The following SEMA5A variants were observed in gnomAD, a reference collection of about 807,000 sequenced individuals.
The protein encoded by SEMA5A is semaphorin 5A, also known as semaphorin-5A.
A neutral mutation model predicts 135.5 loss-of-function variants in SEMA5A; 55 were observed. That is an observed-to-expected ratio of 0.41 (90% CI 0.33 to 0.51). The LOEUF (loss-of-function observed/expected upper bound fraction) is 0.51, where lower values mean the gene tolerates loss of function less well. SEMA5A is among the 20% of genes least tolerant of loss of function. SEMA5A has a pLI of 0.37. For synonymous variants in SEMA5A, 580 were observed against 546.5 expected (o/e 1.06, Z -0.85); for missense variants, 1,290 against 1,419.9 (o/e 0.91, Z 1.47).
In SEMA5A at chr5:9,224,722, T is replaced by C. The variant is rs764927863; in HGVS notation, c.598A>G (p.Ile200Val). Residue 200 changes from isoleucine to valine, a missense_variant, in exon 8 of 23, where the codon ATT becomes GTT. Physicochemically the swap from Ile to Val is conservative, Grantham distance 29. Transcript: ENST00000382496. ...RDPAIYRSLG[I>V]LPPLRTAQYN... ...TGCGCCGTGCGGAGAGGAGGTAAAATGCCTAGGCTTCGGTAAATGGCAGGA... is the reference window on the plus strand; with the variant it reads ...TGCGCCGTGCGGAGAGGAGGTAAAACGCCTAGGCTTCGGTAAATGGCAGGA... 21 of 1,613,960 alleles carry C rather than the reference T, an allele frequency of 1.3e-5. No homozygotes were observed. The East Asian group carries it at 2.2e-4, about 17-fold the overall frequency.
chr5:9,207,904 GATA>G (rs2150380902), intron 8 of SEMA5A, among the ~76,000 whole-genome samples: 1 of 38,782 alleles, frequency 2.6e-5, no homozygotes, highest in South Asian at 1.4e-3. Context: ...TAGATACATA[GATA>G]GATAGATAAT....
chr5:9,157,375 A>G (rs1460437653), intron 11 of SEMA5A, among the ~76,000 whole-genome samples: 3 of 152,154 alleles, frequency 2.0e-5, no homozygotes, highest in Non-Finnish European at 2.9e-5. Context: ...ACCGTTAGGG[A>G]CTGGAGACAC....
chr5:9,202,310 G>A, intron 8 of SEMA5A, 70 bp from the exon 9 acceptor site: 1 of 1,506,596 alleles, frequency 6.6e-7, no homozygotes, highest in Non-Finnish European at 9.0e-7. Flanking sequence ...TGCCTGCTCA[G>A]TATTTCATCC....
In SEMA5A at chr5:9,076,868, T is replaced by TTGTGTGTGTGTGTG. The variant is rs70943938; in HGVS notation, c.2074-10236_2074-10223dup. Among the ~76,000 whole-genome samples, 1,249 of 144,066 alleles carry TTGTGTGTGTGTGTG rather than the reference T, an allele frequency of 8.7e-3. 10 individuals are homozygous for TTGTGTGTGTGTGTG. The highest frequency in any genetic ancestry group is 0.015 in the African/African-American group (607 of 39,324). 94.5% of individuals were successfully genotyped at this position (144,066 alleles called of 152,430 possible). The stretch of plus-strand genomic sequence containing the variant: ...GTGCATTGACTATGCATTACGATCT[T>TTGTGTGTGTGTGTG]TGTGTGTGTGTGTGTGTGTGTGTGT... On this transcript the variant is annotated intron_variant, in intron 16 of 22. Transcript: ENST00000382496.
intron 1 of SEMA5A, among the ~76,000 whole-genome samples, chr5:9,523,361 C>G (rs183978006): frequency 1.4e-4 from 21 of 152,264 alleles, no homozygotes; most frequent in Admixed American, 8.5e-4. Flanking sequence ...GATTATCTTA[C>G]TTAGGTTCAT....
chr5:9,113,092 A>G (rs768756401), intron 15 of SEMA5A, among the ~76,000 whole-genome samples: 52 of 152,208 alleles, frequency 3.4e-4, no homozygotes, highest in Non-Finnish European at 6.0e-4. Flanking sequence ...TAGGGCCTCT[A>G]TGTTGATTTC....
chr5:9,115,788 T>A (rs1189712747), intron 15 of SEMA5A, among the ~76,000 whole-genome samples: 3 of 152,204 alleles, frequency 2.0e-5, no homozygotes, highest in African/African-American at 7.2e-5. Flanking sequence ...CTCTGCCTCC[T>A]GATATTCATA....
At chr5:9,079,080 G>A (rs1010831004) in intron 16 of SEMA5A, among the ~76,000 whole-genome samples, 3 of 152,054 alleles carry the variant, frequency 2.0e-5, no homozygotes, top group Admixed American at 6.5e-5. Context: ...CTTTTTACCT[G>A]AAAATTAATG....
rs116511058 is a variant in SEMA5A at position 9,100,108 on chromosome 5, T to G, written c.2073+8032A>C. 7.4e-3 allele frequency among the ~76,000 whole-genome samples: 1,120 copies of G among 152,306 alleles called. 10 individuals carry two copies. The highest frequency in any genetic ancestry group is 0.01 in the Non-Finnish European group (688 of 68,016). On this transcript the variant is annotated intron_variant, in intron 16 of 22. Transcript: ENST00000382496. ...CATCTGGCCTAATAATGGGTATCCATGGCTATGCGATGACTGGGAAGTTCT... is the reference window on the plus strand; with the variant it reads ...CATCTGGCCTAATAATGGGTATCCAGGGCTATGCGATGACTGGGAAGTTCT...
chr5:9,148,221 G>A (rs1034209469), intron 12 of SEMA5A, among the ~76,000 whole-genome samples: 3 of 152,188 alleles, frequency 2.0e-5, no homozygotes, highest in Non-Finnish European at 4.4e-5. Context: ...TTTGATAAAT[G>A]AAATACCTAA....
At chr5:9,068,671 C>T (rs1335959772) in intron 16 of SEMA5A, among the ~76,000 whole-genome samples, 5 of 152,126 alleles carry the variant, frequency 3.3e-5, no homozygotes, top group African/African-American at 4.8e-5. Flanking sequence ...AAACAGAAGT[C>T]ACCCAATGTT....
At chr5:9,342,275 C>T (rs1579377238) in intron 3 of SEMA5A, among the ~76,000 whole-genome samples, 2 of 152,236 alleles carry the variant, frequency 1.3e-5, no homozygotes, top group East Asian at 3.9e-4. Flanking sequence ...ACAGTCATTC[C>T]AAAATCTGAC....
intron 16 of SEMA5A, among the ~76,000 whole-genome samples, chr5:9,079,400 A>T (rs1310906317): frequency 6.6e-6 from 1 of 152,170 alleles, no homozygotes; most frequent in East Asian, 1.9e-4. Flanking sequence ...TCTCTGGGAC[A>T]CAGCTAAAGC....
chr5:9,469,164 A>C (rs1423065087), intron 1 of SEMA5A, among the ~76,000 whole-genome samples: 1 of 151,516 alleles, frequency 6.6e-6, no homozygotes, highest in Non-Finnish European at 1.5e-5. Context: ...GCCCGCCACC[A>C]CTCCTGGCTA....
At chr5:9,058,315 G>A (rs1737002005) in intron 18 of SEMA5A, among the ~76,000 whole-genome samples, 1 of 152,166 alleles carries the variant, frequency 6.6e-6, no homozygotes, top group African/African-American at 2.4e-5. Context: ...GGCTGGAACA[G>A]TGGCAGGCTG....
Position 9,154,095 on chromosome 5 carries a change from G to A in SEMA5A, c.1481+393C>T, listed in dbSNP as rs2428658. Among the ~76,000 whole-genome samples, 115 of 103,278 alleles carry A rather than the reference G, an allele frequency of 1.1e-3. 4 individuals are homozygous for A. In the East Asian group the frequency reaches 0.018, roughly 16 times the overall value. The allele number at this position is 103,278 out of a possible 152,430, so 67.8% of individuals were successfully genotyped here. A position where few individuals can be genotyped will look rare whatever the true frequency, so the allele number is the denominator to read the frequency against. ...TATATATATATATATATATATATAT[G>A]TGTGTGTGTGTATGTGTGTGTATGT... On this transcript the variant is annotated intron_variant, in intron 12 of 22. Coordinates refer to ENST00000382496, the MANE Select transcript of SEMA5A (RefSeq NM_003966.3).
chr5:9,276,468 T>A (rs889299280), intron 5 of SEMA5A, among the ~76,000 whole-genome samples: 1 of 152,196 alleles, frequency 6.6e-6, no homozygotes, highest in Non-Finnish European at 1.5e-5. Context: ...ACTTTAAATT[T>A]CATATGGAAC....
At position 9,451,928 on chromosome 5, in the gene SEMA5A, C is replaced by T. The variant is rs183159646; in HGVS notation, c.-174-14076G>A. On this transcript the variant is annotated intron_variant, in intron 1 of 22. Coordinates refer to ENST00000382496, the MANE Select transcript of SEMA5A (RefSeq NM_003966.3). ...AACAAGTAAGGACTGAAGTTCTACCCGAGCCACCTGGTAGAAGAGGAGGAA... is the reference window on the plus strand; with the variant it reads ...AACAAGTAAGGACTGAAGTTCTACCTGAGCCACCTGGTAGAAGAGGAGGAA... Among the ~76,000 whole-genome samples, 55 of 152,238 alleles carry T rather than the reference C, an allele frequency of 3.6e-4. 1 individual carries two copies. The highest frequency in any genetic ancestry group is 1.0e-3 in the African/African-American group (42 of 41,554).
intron 1 of SEMA5A, among the ~76,000 whole-genome samples, chr5:9,513,068 A>ATAT (rs1554044104): frequency 0.055 from 7,930 of 143,614 alleles, 275 homozygotes; most frequent in South Asian, 0.093. Flanking sequence ...ATATATATAT[A>ATAT]ATATATATAT....
Sources: gnomAD v4.1 joint callset for allele counts (sites outside exome capture counted in the v4.1 genomes callset) on GRCh38, gnomAD v4.1.1 for gene constraint, MANE v1.5 for transcripts, NCBI Gene and HGNC (gene_info 2026-07-23, HGNC 2026-07-21) for gene names.